The following EPG5 variants were observed in gnomAD, a reference collection of about 807,000 sequenced individuals.
The protein encoded by EPG5 is ectopic P granules protein 5 homolog.
EPG5 carries 159 observed loss-of-function variants against 302.7 expected under a neutral mutation model. The ratio of observed to expected loss-of-function variants is 0.53; its 90% CI spans 0.46 to 0.60. The LOEUF is 0.60. EPG5 is among the 20% of genes least tolerant of loss of function. The pLI, the probability that EPG5 is intolerant of heterozygous loss-of-function variation, is 0.00. For missense variants in EPG5, 2,896 were observed against 3,092.4 expected (o/e 0.94, Z 1.51); for synonymous variants, 1,158 against 1,136.8 (o/e 1.02, Z -0.37).
At chr18:45,804,144 A>C in the EPG5 span, among the ~76,000 whole-genome samples, 1 of 152,230 alleles carries the variant, frequency 6.6e-6, no homozygotes, top group Non-Finnish European at 1.5e-5. Flanking sequence ...TAACTAAAAA[A>C]TACAGTATCT....
chr18:45,828,701 G>T, the EPG5 span, among the ~76,000 whole-genome samples: 1 of 152,230 alleles, frequency 6.6e-6, no homozygotes, highest in African/African-American at 2.4e-5. Context: ...GGAAGCAGAG[G>T]CTTCTGAGTG....
chr18:45,801,538 T>C, the EPG5 span, among the ~76,000 whole-genome samples: 1 of 152,172 alleles, frequency 6.6e-6, no homozygotes, highest in African/African-American at 2.4e-5. Flanking sequence ...GAGGAGAAGG[T>C]AGTGCCAGGG....
At chr18:45,945,260 C>T (rs1380726638) in intron 7 of EPG5, among the ~76,000 whole-genome samples, 1 of 152,204 alleles carries the variant, frequency 6.6e-6, no homozygotes, top group East Asian at 1.9e-4. Flanking sequence ...CTATTCTCAA[C>T]TCAAAGGTAC....
intron 11 of EPG5, among the ~76,000 whole-genome samples, chr18:45,934,586 T>C (rs1568168389): frequency 6.6e-6 from 1 of 152,242 alleles, no homozygotes; most frequent in African/African-American, 2.4e-5. Flanking sequence ...ATTGTGTGTA[T>C]TGGTATACTG....
chr18:45,884,608 A>G lies in EPG5; in HGVS notation c.5304+9T>C. 6.3e-7 allele frequency: 1 copy of G among 1,592,130 alleles called. No homozygotes were observed. The highest frequency in any genetic ancestry group is 8.5e-7 in the Non-Finnish European group (1 of 1,172,254). On this transcript the variant is annotated intron_variant, in intron 30 of 43. Transcript: ENST00000282041. ...TCAACAATATGGTGAGGATGGAATT[A>G]CATCTTACCTTGGTTAGCAGCATGA... is the stretch of plus-strand genomic sequence containing the variant.
intron 14 of EPG5, among the ~76,000 whole-genome samples, chr18:45,923,801 G>C (rs2050208946): frequency 6.6e-6 from 1 of 152,188 alleles, no homozygotes; most frequent in Non-Finnish European, 1.5e-5. Flanking sequence ...AGCCAAGACA[G>C]ACAGATAACT....
At chr18:45,963,419 C>T (rs2051188746) in intron 1 of EPG5, among the ~76,000 whole-genome samples, 1 of 152,114 alleles carries the variant, frequency 6.6e-6, no homozygotes, top group Admixed American at 6.6e-5. Context: ...GGTGGATCAT[C>T]CGAGGCCAGG....
intron 27 of EPG5, among the ~76,000 whole-genome samples, chr18:45,891,544 C>T (rs141573496): frequency 6.6e-6 from 1 of 151,584 alleles, no homozygotes; most frequent in East Asian, 1.9e-4. Context: ...ATGGTCCTTC[C>T]TATTTGTTTT....
rs899182713 is a variant in EPG5 at position 45,914,907 on chromosome 18, C to T, written c.3693+604G>A. Among the ~76,000 whole-genome samples, 12 of 151,686 alleles carry T rather than the reference C, an allele frequency of 7.9e-5. No homozygotes were observed. The South Asian group carries it at 2.1e-3, about 26-fold the overall frequency. On this transcript the variant is annotated intron_variant, in intron 20 of 43. Coordinates refer to ENST00000282041, the MANE Select transcript of EPG5 (RefSeq NM_020964.3). Reference sequence around the variant, plus strand: ...TGGGAGCAGGAGAATCACTTAACAACAGGAGATTGAGACCAGCCTGGGCAA... The same window carrying T: ...TGGGAGCAGGAGAATCACTTAACAATAGGAGATTGAGACCAGCCTGGGCAA...
At position 45,925,774 on chromosome 18, in the gene EPG5, A is replaced by G. The variant is rs776504642; in HGVS notation, c.2682T>C (p.Val894=). 13 of 1,564,146 alleles carry G rather than the reference A, an allele frequency of 8.3e-6. No homozygotes were observed. The highest frequency in any genetic ancestry group is 1.1e-5 in the Non-Finnish European group (13 of 1,160,286). The change falls in exon 14 of 44, where the codon GTT becomes GTC. Residue 894 remains valine, a synonymous_variant. Transcript: ENST00000282041. ...LTVVKNKLAC[V]ILEGLNWGFA... ...ATCCCCAATTCAGTCCTTCAAGAAT[A>G]ACACAGGCCAGTTTATTCTTCACCA...
the EPG5 span, among the ~76,000 whole-genome samples, chr18:45,816,671 G>A: frequency 2.6e-5 from 4 of 152,162 alleles, no homozygotes; most frequent in Non-Finnish European, 4.4e-5. Context: ...CGCTGCAGTT[G>A]GGAATGTAAG....
In EPG5 at chr18:45,934,846, G is replaced by A; in HGVS notation, c.2220C>T (p.Ser740=). 2.5e-6 allele frequency: 4 copies of A among 1,614,158 alleles called. No individual in the cohort carries two copies. Among genetic ancestry groups the A allele is most frequent in the Non-Finnish European group, 3.4e-6 (4 of 1,180,020 alleles). ...GCTTGCACTGGGCGGGCTGCAGGGAGGAGGAGAGCTGCTGCAGGTTCTCGC... is the reference window on the plus strand; with the variant it reads ...GCTTGCACTGGGCGGGCTGCAGGGAAGAGGAGAGCTGCTGCAGGTTCTCGC... The part of the protein sequence containing the change: ...VESENLQQLS[S]SLQPAQCKQQ... The change falls in exon 11 of 44, where the codon TCC becomes TCT. Residue 740 remains serine (S), a synonymous_variant. Transcript: ENST00000282041.
Position 45,922,357 on chromosome 18 carries a change from T to A in EPG5, c.3082A>T (p.Thr1028Ser), listed in dbSNP as rs2050174562. The change falls in exon 16 of 44, where the codon ACA becomes TCA. Residue 1028 changes from threonine to serine, a missense_variant. By Grantham distance (58) the Thr-to-Ser change is moderately conservative. Coordinates refer to ENST00000282041, the MANE Select transcript of EPG5 (RefSeq NM_020964.3). ...ACACTGTACCTGTGGCCCACAGCTG[T>A]CATAGATAAGGCTAGATAACAGCCA... The part of the protein sequence containing the change: ...PIGCYLALSM[T>S]AVGHSIEKFC... 6.2e-7 allele frequency: 1 copy of A among 1,614,114 alleles called. No homozygotes were observed. The highest frequency in any genetic ancestry group is 1.3e-5 in the African/African-American group (1 of 74,940).
downstream of EPG5, chr18:45,843,405 AG>A (rs2048341574): frequency 6.6e-6 from 1 of 152,294 alleles, no homozygotes; most frequent in Admixed American, 6.5e-5. Flanking sequence ...AAAGGGCCAC[AG>A]GCTAGGGGAA....
At chr18:45,857,640 T>A (rs1202163382) in intron 42 of EPG5, 5 of 515,744 alleles carry the variant, frequency 9.7e-6, no homozygotes, top group East Asian at 3.2e-5. Context: ...GAATTGAAAA[T>A]TTTTTTTAAA....
intron 17 of EPG5, 60 bp downstream of exon 17, chr18:45,917,619 A>G (rs2145723791): frequency 6.3e-7 from 1 of 1,585,926 alleles, no homozygotes; most frequent in Non-Finnish European, 8.6e-7. Context: ...AGAAGACACA[A>G]TCATTTGTAC....
intron 1 of EPG5, among the ~76,000 whole-genome samples, chr18:45,961,931 GTTCT>G (rs1396484196): frequency 6.7e-6 from 1 of 150,106 alleles, no homozygotes; most frequent in African/African-American, 2.4e-5. Flanking sequence ...TCTTCAACCT[GTTCT>G]TTTTCTTTTT....
intron 30 of EPG5, 125 bp from the exon 31 acceptor site, chr18:45,882,612 T>A: frequency 3.1e-6 from 2 of 651,782 alleles, no homozygotes; most frequent in Non-Finnish European, 5.1e-6. Context: ...AAATTGAAAT[T>A]AAAATGTATA....
chr18:45,934,501 A>G (rs915482717), intron 11 of EPG5, among the ~76,000 whole-genome samples: 6 of 152,246 alleles, frequency 3.9e-5, no homozygotes, highest in African/African-American at 1.2e-4. Flanking sequence ...CAATTAATAC[A>G]TATCTGTTAA....
Sources: allele counts gnomAD v4.1 joint callset (sites outside exome capture counted in the v4.1 genomes callset), GRCh38; gene constraint gnomAD v4.1.1; transcripts MANE v1.5; gene names NCBI Gene and HGNC (gene_info 2026-07-23, HGNC 2026-07-21).